Variants in SCAPER observed in about 807,000 individuals in gnomAD.
The protein encoded by SCAPER is S phase cyclin A-associated protein in the endoplasmic reticulum.
In SCAPER, 98 loss-of-function variants were observed where a neutral mutation model predicts 182.2. That is an observed-to-expected ratio of 0.54 (90% confidence interval 0.46 to 0.64). SCAPER has a LOEUF of 0.64. Ranked by LOEUF, SCAPER falls within the 30% of genes least tolerant of loss-of-function variation. The probability of loss-of-function intolerance (pLI) is 0.00; values close to 1 mark genes in which losing one functional copy is unlikely to be tolerated. For synonymous variants in SCAPER, 605 were observed against 564.6 expected, an observed-to-expected ratio of 1.07 and a Z score of -1.01; for missense variants, 1,432 against 1,690.0, an observed-to-expected ratio of 0.85 and a Z score of 2.68.
chr15:76,869,064 G>A (rs1160057188), intron 2 of SCAPER, among the ~76,000 whole-genome samples: 1 of 152,116 alleles, frequency 6.6e-6, no homozygotes, highest in Non-Finnish European at 1.5e-5. Context: ...ATAACTTTAT[G>A]CAAAAGAATA....
intron 22 of SCAPER, among the ~76,000 whole-genome samples, chr15:76,600,198 C>A: frequency 8.4e-6 from 1 of 119,720 alleles, no homozygotes; most frequent in Non-Finnish European, 2.0e-5. Flanking sequence ...ACAGAAATAT[C>A]TATTATGATA....
rs537342968 is a variant in SCAPER at position 76,526,854 on chromosome 15, T to C, written c.2839-21880A>G. 7.6e-4 allele frequency among the ~76,000 whole-genome samples: 116 copies of C among 152,034 alleles called. 1 individual carries two copies. Among genetic ancestry groups the C allele is most frequent in the African/African-American group, 2.7e-3 (113 of 41,522 alleles). ...TATTTCCTGAAAAATCTTTTTCAAA[T>C]AGTTTTTTTTTTTATTTTTATTTTT... is the stretch of plus-strand genomic sequence containing the variant. On this transcript the variant is annotated intron_variant, in intron 23 of 31. Coordinates refer to ENST00000563290, the MANE Select transcript of SCAPER (RefSeq NM_020843.4).
In SCAPER at chr15:76,804,626, A is replaced by G; in HGVS notation, c.401T>C (p.Leu134Pro). 1 of 1,598,314 alleles carries G rather than the reference A, an allele frequency of 6.3e-7. No homozygotes were observed. Among genetic ancestry groups the G allele is most frequent in the African/African-American group, 1.3e-5 (1 of 74,664 alleles). The stretch of plus-strand genomic sequence containing the variant: ...TCTTACATAGTTATCCAGCATCATT[A>G]GCACCTCCTAAAAGAAACAAAACAA... ...DQSVVECKEV[L>P]MMLDNYVRDF... The change falls in exon 6 of 32, where the codon CTA becomes CCA. Residue 134 changes from leucine (L) to proline (P), a missense_variant. Physicochemically the swap from Leu to Pro is moderately conservative, Grantham distance 98. Coordinates refer to ENST00000563290, the MANE Select transcript of SCAPER (RefSeq NM_020843.4).
rs527922320 is a variant in SCAPER at position 76,609,216 on chromosome 15, A to G, written c.2711+12548T>C. On this transcript the variant is annotated intron_variant, in intron 22 of 31. Transcript: ENST00000563290. Reference sequence around the variant, plus strand: ...TTCTTAGAATATTGGGCTGGGCACAATGGCTCTCACCTATAATCCCAGTGC... The same window carrying G: ...TTCTTAGAATATTGGGCTGGGCACAGTGGCTCTCACCTATAATCCCAGTGC... Among the ~76,000 whole-genome samples, 12 of 152,160 alleles carry G rather than the reference A, an allele frequency of 7.9e-5. 1 individual carries two copies. The highest frequency in any genetic ancestry group is 2.4e-4 in the African/African-American group (10 of 41,528).
At chr15:76,403,435 G>A (rs141416985) in intron 27 of SCAPER, among the ~76,000 whole-genome samples, 15 of 152,284 alleles carry the variant, frequency 9.9e-5, no homozygotes, top group African/African-American at 2.6e-4. Context: ...TTATTAGAAC[G>A]TGACTGGTGG....
chr15:76,578,750 G>A (rs542171086), intron 22 of SCAPER, among the ~76,000 whole-genome samples: 10 of 152,170 alleles, frequency 6.6e-5, no homozygotes, highest in Non-Finnish European at 1.2e-4. Context: ...TCCCAAGAAG[G>A]ATGGGTACAA....
chr15:76,888,230 A>G (rs887260828), intron 1 of SCAPER, among the ~76,000 whole-genome samples: 6 of 152,252 alleles, frequency 3.9e-5, no homozygotes, highest in African/African-American at 1.4e-4. Context: ...GAGAAACCAG[A>G]GCAGAAAAGC....
chr15:76,587,675 T>C (rs2048768962), intron 22 of SCAPER, among the ~76,000 whole-genome samples: 1 of 152,174 alleles, frequency 6.6e-6, no homozygotes, highest in Non-Finnish European at 1.5e-5. Flanking sequence ...TTTCTTAAAT[T>C]TATTGAGACT....
chr15:76,759,641 C>T (rs1259901172), intron 14 of SCAPER, among the ~76,000 whole-genome samples: 1 of 152,186 alleles, frequency 6.6e-6, no homozygotes, highest in Non-Finnish European at 1.5e-5. Flanking sequence ...AAAGTTCCTT[C>T]TATACCTAGT....
At chr15:76,871,136 G>T (rs766261538) in intron 2 of SCAPER, among the ~76,000 whole-genome samples, 1 of 152,082 alleles carries the variant, frequency 6.6e-6, no homozygotes, top group Non-Finnish European at 1.5e-5. Flanking sequence ...AGGGACAGGC[G>T]CCGTGCCTCA....
At chr15:76,356,835 G>A (rs754370335) in intron 29 of SCAPER, among the ~76,000 whole-genome samples, 3 of 152,168 alleles carry the variant, frequency 2.0e-5, no homozygotes, top group Non-Finnish European at 4.4e-5. Flanking sequence ...ACACTCATCA[G>A]CCAGAGAGAG....
At chr15:76,422,626 G>A (rs2046124808) in intron 26 of SCAPER, among the ~76,000 whole-genome samples, 1 of 152,110 alleles carries the variant, frequency 6.6e-6, no homozygotes, top group Admixed American at 6.6e-5. Flanking sequence ...TCTCCTGCCT[G>A]ATTGCCCTGG....
intron 20 of SCAPER, among the ~76,000 whole-genome samples, chr15:76,696,618 C>T (rs1428217554): frequency 6.6e-6 from 1 of 152,014 alleles, no homozygotes; most frequent in Non-Finnish European, 1.5e-5. Context: ...ATTCTACATG[C>T]TTGCTACATG....
chr15:76,408,762 G>T (rs1019623510), intron 26 of SCAPER, among the ~76,000 whole-genome samples: 5 of 151,636 alleles, frequency 3.3e-5, no homozygotes, highest in African/African-American at 1.2e-4. Context: ...CTGATAAGAG[G>T]GTCCTTTGCA....
At chr15:76,872,701 T>C (rs1226336876) in intron 2 of SCAPER, among the ~76,000 whole-genome samples, 1 of 151,680 alleles carries the variant, frequency 6.6e-6, no homozygotes, top group African/African-American at 2.4e-5. Context: ...TACTATACTA[T>C]ATTAATACAG....
chr15:76,421,328 T>C (rs1175471986), intron 26 of SCAPER, among the ~76,000 whole-genome samples: 1 of 152,222 alleles, frequency 6.6e-6, no homozygotes, highest in African/African-American at 2.4e-5. Flanking sequence ...TGGTGTGAGA[T>C]GGTATCTCAT....
chr15:76,795,889 C>T (rs1469356935), intron 7 of SCAPER, among the ~76,000 whole-genome samples: 2 of 152,094 alleles, frequency 1.3e-5, no homozygotes, highest in African/African-American at 4.8e-5. Context: ...TGGTGAAATC[C>T]TGTCTCTACT....
intron 28 of SCAPER, among the ~76,000 whole-genome samples, chr15:76,377,712 T>C (rs916882812): frequency 1.3e-5 from 2 of 152,228 alleles, no homozygotes; most frequent in African/African-American, 4.8e-5. Flanking sequence ...GACAGCCTTA[T>C]TGGTATACAA....
At chr15:76,536,311 T>C (rs545369789) in intron 23 of SCAPER, among the ~76,000 whole-genome samples, 4 of 152,192 alleles carry the variant, frequency 2.6e-5, no homozygotes, top group Non-Finnish European at 4.4e-5. Flanking sequence ...CTGGGCAACA[T>C]AGAGAGACCT....
Sources: gnomAD v4.1 joint callset for allele counts (sites outside exome capture counted in the v4.1 genomes callset) on GRCh38, gnomAD v4.1.1 for gene constraint, MANE v1.5 for transcripts, NCBI Gene and HGNC (gene_info 2026-07-23, HGNC 2026-07-21) for gene names.